Variants in ZFP1 observed in about 807,000 individuals in gnomAD.
The protein encoded by ZFP1 is zinc finger protein 1 homolog.
A neutral mutation model predicts 38.5 loss-of-function variants in ZFP1; 32 were observed. The ratio of observed to expected loss-of-function variants is 0.83; its 90% CI spans 0.63 to 1.12. The LOEUF (loss-of-function observed/expected upper bound fraction) is 1.12, where lower values mean the gene tolerates loss of function less well. ZFP1 is among the 50% of genes most tolerant of loss of function. The pLI is 0.00. For synonymous variants in ZFP1, 245 were observed against 168.8 expected (o/e 1.45, Z -3.50); for missense variants, 616 against 480.8 (o/e 1.28, Z -2.63).
chr16:75,169,134 G>C (rs527596269), intron 3 of ZFP1, 119 bp from the exon 4 acceptor site: 2 of 1,280,100 alleles, frequency 1.6e-6, no homozygotes, highest in East Asian at 2.5e-5. Context: ...AATATTGGGA[G>C]ACTGGGTCCC....
upstream of ZFP1, among the ~76,000 whole-genome samples, chr16:75,145,963 C>T (rs1336746708): frequency 6.6e-6 from 1 of 152,086 alleles, no homozygotes; most frequent in African/African-American, 2.4e-5. Context: ...TGTAACACAC[C>T]CCTAGATGCT....
chr16:75,137,879 A>G, the ZFP1 span, among the ~76,000 whole-genome samples: 1 of 152,090 alleles, frequency 6.6e-6, no homozygotes, highest in Non-Finnish European at 1.5e-5. Context: ...CTTAGGTGGC[A>G]GAGTGAGATT....
chr16:75,162,561 C>G (rs2037842266), intron 2 of ZFP1, among the ~76,000 whole-genome samples: 2 of 152,028 alleles, frequency 1.3e-5, no homozygotes, highest in South Asian at 4.1e-4. Context: ...GGTACATGTG[C>G]AGATTTGTTA....
At chr16:75,128,476 A>T in the ZFP1 span, among the ~76,000 whole-genome samples, 3 of 152,248 alleles carry the variant, frequency 2.0e-5, no homozygotes, top group Non-Finnish European at 4.4e-5. Flanking sequence ...TAAAAATAGG[A>T]AACTAGAGAG....
In ZFP1 at chr16:75,169,743, A is replaced by C. The variant is rs148345136; in HGVS notation, c.633A>C (p.Pro211=). The C allele has an allele frequency of 2.7e-5, 43 of 1,613,264 alleles. No homozygotes were observed. Among genetic ancestry groups the C allele is most frequent in the Non-Finnish European group, 3.4e-5 (40 of 1,179,676 alleles). The change falls in exon 4 of 4, where the codon CCA becomes CCC. Residue 211 remains proline (P), a synonymous_variant. Transcript: ENST00000570010. Reference sequence around the variant, plus strand: ...AGAGAATACATACTGGAGAAAAGCCATATGAATGCAATGTATGTAAGAAAA... The same window carrying C: ...AGAGAATACATACTGGAGAAAAGCCCTATGAATGCAATGTATGTAAGAAAA... The part of the protein sequence containing the change: ...SHKRIHTGEK[P]YECNVCKKTF...
intron 3 of ZFP1, 87 bp downstream of exon 3, chr16:75,166,983 C>T: frequency 6.5e-7 from 1 of 1,530,980 alleles, no homozygotes; most frequent in Non-Finnish European, 8.8e-7. Flanking sequence ...TTCTGAATTA[C>T]TAAATGTTTT....
chr16:75,139,384 A>ACAAAAAAAAC, the ZFP1 span, among the ~76,000 whole-genome samples: 1 of 149,110 alleles, frequency 6.7e-6, no homozygotes, highest in African/African-American at 2.5e-5. Context: ...AAAAAAAAAA[A>ACAAAAAAAAC]AAAAAAAAAA....
At chr16:75,167,459 C>G (rs1203634271) in intron 3 of ZFP1, among the ~76,000 whole-genome samples, 1 of 151,698 alleles carries the variant, frequency 6.6e-6, no homozygotes, top group Non-Finnish European at 1.5e-5. Context: ...CTGAAACTTT[C>G]CTAACATATC....
intron 2 of ZFP1, among the ~76,000 whole-genome samples, chr16:75,154,223 CA>C (rs35006692): frequency 0.011 from 1,621 of 148,238 alleles, 28 homozygotes; most frequent in African/African-American, 0.032. Context: ...GACTTTGTCT[CA>C]AAAAAAAAAA....
chr16:75,151,571 GT>G (rs2037204378), intron 1 of ZFP1, among the ~76,000 whole-genome samples: 1 of 152,134 alleles, frequency 6.6e-6, no homozygotes, highest in Admixed American at 6.5e-5. Context: ...ATATCATACT[GT>G]TTTATGTCAA....
At chr16:75,144,111 G>A (rs1290355776), upstream of ZFP1, 1 of 152,152 alleles carries the variant, frequency 6.6e-6, no homozygotes, top group African/African-American at 2.4e-5. Flanking sequence ...AGGACAATGT[G>A]GTTGTGAATT....
chr16:75,151,913 G>A (rs760778998), intron 1 of ZFP1, among the ~76,000 whole-genome samples: 10 of 152,094 alleles, frequency 6.6e-5, no homozygotes, highest in Non-Finnish European at 1.2e-4. Context: ...TTTGAAAAAG[G>A]TTTTTTACTT....
At chr16:75,157,505 A>C (rs994319659) in intron 2 of ZFP1, among the ~76,000 whole-genome samples, 3 of 151,904 alleles carry the variant, frequency 2.0e-5, no homozygotes, top group Admixed American at 6.6e-5. Context: ...CAGCCTCCCA[A>C]AATGCTAGGA....
At chr16:75,164,531 T>G (rs2037956963) in intron 2 of ZFP1, among the ~76,000 whole-genome samples, 1 of 152,238 alleles carries the variant, frequency 6.6e-6, no homozygotes, top group Admixed American at 6.5e-5. Flanking sequence ...CACATCCAAC[T>G]GATTCTTGCT....
At chr16:75,139,317 C>T in the ZFP1 span, among the ~76,000 whole-genome samples, 4 of 130,726 alleles carry the variant, frequency 3.1e-5, no homozygotes, top group African/African-American at 5.7e-5. Context: ...TGCAGTGAGC[C>T]GAGGTTGCGC....
chr16:75,161,704 T>G (rs1196474992), intron 2 of ZFP1, among the ~76,000 whole-genome samples: 2 of 137,608 alleles, frequency 1.5e-5, no homozygotes, highest in Non-Finnish European at 3.1e-5. Context: ...CATGGTAGAT[T>G]ATAAGATTTC....
intron 3 of ZFP1, among the ~76,000 whole-genome samples, chr16:75,168,470 C>T (rs2038221365): frequency 1.3e-5 from 2 of 151,798 alleles, no homozygotes; most frequent in Non-Finnish European, 1.5e-5. Flanking sequence ...ATGAGGGAGA[C>T]CCTATCTCTA....
intron 1 of ZFP1, among the ~76,000 whole-genome samples, chr16:75,151,517 CAG>C (rs1190800379): frequency 5.3e-5 from 8 of 151,922 alleles, no homozygotes; most frequent in African/African-American, 1.9e-4. Context: ...AAAAATTTAA[CAG>C]AGTTTTTGGT....
At chr16:75,164,273 A>G (rs1445551494) in intron 2 of ZFP1, among the ~76,000 whole-genome samples, 1 of 152,116 alleles carries the variant, frequency 6.6e-6, no homozygotes, top group Non-Finnish European at 1.5e-5. Flanking sequence ...TCCCATTTTT[A>G]TTTTGATTAC....
Sources: allele counts gnomAD v4.1 joint callset (sites outside exome capture counted in the v4.1 genomes callset), GRCh38; gene constraint gnomAD v4.1.1; transcripts MANE v1.5; gene names NCBI Gene and HGNC (gene_info 2026-07-23, HGNC 2026-07-21).